Variants in FSTL4 observed in about 807,000 individuals in gnomAD.
The protein encoded by FSTL4 is follistatin like 4.
Under a neutral mutation model 78.2 loss-of-function variants are expected in FSTL4, and 28 were observed. The ratio of observed to expected loss-of-function variants is 0.36; its 90% CI spans 0.27 to 0.49. The LOEUF (loss-of-function observed/expected upper bound fraction) is 0.49. Ranked by LOEUF, FSTL4 falls within the 20% of genes least tolerant of loss-of-function variation. FSTL4 has a pLI of 0.98. For missense variants in FSTL4, 922 were observed against 1,084.9 expected, an observed-to-expected ratio of 0.85 and a Z score of 2.11; for synonymous variants, 422 against 440.5, an observed-to-expected ratio of 0.96 and a Z score of 0.53.
chr5:133,551,198 G>A (rs899641375), intron 3 of FSTL4, among the ~76,000 whole-genome samples: 1 of 152,308 alleles, frequency 6.6e-6, no homozygotes, highest in South Asian at 2.1e-4. Context: ...CACCAGCTTT[G>A]TTTGCCTGGG....
At chr5:133,204,224 A>T (rs907407613) in intron 14 of FSTL4, among the ~76,000 whole-genome samples, 1 of 152,146 alleles carries the variant, frequency 6.6e-6, no homozygotes, top group East Asian at 1.9e-4. Context: ...TGGGCCAGAG[A>T]GTGCTGGGCA....
intron 6 of FSTL4, among the ~76,000 whole-genome samples, chr5:133,272,826 G>A (rs1307788278): frequency 6.6e-6 from 1 of 152,236 alleles, no homozygotes; most frequent in Non-Finnish European, 1.5e-5. Context: ...TCTGGATTTT[G>A]TACTAAAACT....
At chr5:133,514,417 G>C (rs983937764) in intron 3 of FSTL4, among the ~76,000 whole-genome samples, 11 of 152,164 alleles carry the variant, frequency 7.2e-5, no homozygotes, top group African/African-American at 2.7e-4. Context: ...ATAGGAACCA[G>C]TAAAGAGCAG....
chr5:133,452,161 G>A (rs561564110), intron 3 of FSTL4, among the ~76,000 whole-genome samples: 1 of 152,374 alleles, frequency 6.6e-6, no homozygotes, highest in East Asian at 1.9e-4. Flanking sequence ...AGGAGAAGGA[G>A]AAGCTGGCTG....
intron 2 of FSTL4, among the ~76,000 whole-genome samples, chr5:133,568,174 G>C (rs1262619565): frequency 6.6e-6 from 1 of 151,974 alleles, no homozygotes; most frequent in African/African-American, 2.4e-5. Context: ...ACTAATGGGG[G>C]GAAAGACTAG....
upstream of FSTL4, among the ~76,000 whole-genome samples, chr5:133,615,804 G>A (rs148233008): frequency 6.0e-3 from 916 of 152,284 alleles, 4 homozygotes; most frequent in South Asian, 0.022. Context: ...TGGAGATAAG[G>A]TATTCATTCA....
At chr5:133,376,457 C>T (rs947299171) in intron 4 of FSTL4, among the ~76,000 whole-genome samples, 4 of 152,022 alleles carry the variant, frequency 2.6e-5, no homozygotes, top group African/African-American at 4.8e-5. Flanking sequence ...CATTGGGTCC[C>T]GCTTTTAGAA....
chr5:133,237,905 T>C (rs1029834161), intron 7 of FSTL4, among the ~76,000 whole-genome samples: 1 of 151,980 alleles, frequency 6.6e-6, no homozygotes, highest in African/African-American at 2.4e-5. Flanking sequence ...AAATCAAGGT[T>C]CCTTACAGAA....
chr5:133,288,479 T>C (rs1753187248), intron 6 of FSTL4, among the ~76,000 whole-genome samples: 1 of 152,182 alleles, frequency 6.6e-6, no homozygotes, highest in Non-Finnish European at 1.5e-5. Context: ...GATGTTGCTG[T>C]TCATCTGGAA....
chr5:133,441,797 C>T (rs1477076800), intron 3 of FSTL4, among the ~76,000 whole-genome samples: 1 of 152,228 alleles, frequency 6.6e-6, no homozygotes, highest in African/African-American at 2.4e-5. Flanking sequence ...CACATGGTAG[C>T]TTCACACAGT....
At chr5:133,235,228 C>T (rs1446274669) in intron 7 of FSTL4, among the ~76,000 whole-genome samples, 1 of 152,108 alleles carries the variant, frequency 6.6e-6, no homozygotes, top group Non-Finnish European at 1.5e-5. Context: ...GCCTGTAATC[C>T]CAACACTTTG....
At chr5:133,835,419 C>T in the FSTL4 span, among the ~76,000 whole-genome samples, 1 of 152,132 alleles carries the variant, frequency 6.6e-6, no homozygotes, top group South Asian at 2.1e-4. Flanking sequence ...TGGAAGAGCA[C>T]CAAAATGGAC....
intron 4 of FSTL4, among the ~76,000 whole-genome samples, chr5:133,370,523 G>C (rs960204693): frequency 7.9e-5 from 12 of 152,132 alleles, no homozygotes; most frequent in Non-Finnish European, 1.5e-4. Flanking sequence ...CAGGACAGTA[G>C]TTCTCCCAGG....
chr5:133,801,970 T>A, the FSTL4 span, among the ~76,000 whole-genome samples: 3 of 152,178 alleles, frequency 2.0e-5, no homozygotes, highest in South Asian at 2.1e-4. Flanking sequence ...ATCCAGCCCA[T>A]CCTTCCTCTC....
intron 4 of FSTL4, among the ~76,000 whole-genome samples, chr5:133,326,831 C>T (rs150849543): frequency 0.013 from 1,982 of 152,312 alleles, 20 homozygotes; most frequent in Admixed American, 0.023. Context: ...AATAACTTCA[C>T]GTTCTTAGAG....
intron 3 of FSTL4, among the ~76,000 whole-genome samples, chr5:133,513,994 C>G (rs965867558): frequency 6.6e-6 from 1 of 151,898 alleles, no homozygotes; most frequent in African/African-American, 2.4e-5. Flanking sequence ...CTGGCTAACA[C>G]GGTGAAACCC....
Position 133,280,194 on chromosome 5 carries a change from C to T in FSTL4, c.728-30618G>A, listed in dbSNP as rs140651882. Among the ~76,000 whole-genome samples, 1,063 of 152,290 alleles carry T rather than the reference C, an allele frequency of 7.0e-3. 10 individuals carry two copies. The highest frequency in any genetic ancestry group is 0.011 in the Non-Finnish European group (733 of 68,014). The stretch of plus-strand genomic sequence containing the variant: ...TCAGGGAGCAAATCAACCTCTAGTA[C>T]CCTCTAGGCCTCAATGTGGCCACCT... On this transcript the variant is annotated intron_variant, in intron 6 of 15. Coordinates refer to ENST00000265342, the MANE Select transcript of FSTL4 (RefSeq NM_015082.2).
chr5:133,548,794 G>A (rs1246124271), intron 3 of FSTL4, among the ~76,000 whole-genome samples: 1 of 152,062 alleles, frequency 6.6e-6, no homozygotes, highest in Non-Finnish European at 1.5e-5. Context: ...CTGAAGAAAA[G>A]GTTAATGAAC....
At chr5:133,685,154 C>G in the FSTL4 span, among the ~76,000 whole-genome samples, 1 of 152,216 alleles carries the variant, frequency 6.6e-6, no homozygotes, top group Non-Finnish European at 1.5e-5. Flanking sequence ...AGCATCTCCT[C>G]TGGTGCAAAG....
Sources: gnomAD v4.1 joint callset for allele counts (sites outside exome capture counted in the v4.1 genomes callset) on GRCh38, gnomAD v4.1.1 for gene constraint, MANE v1.5 for transcripts, NCBI Gene and HGNC (gene_info 2026-07-23, HGNC 2026-07-21) for gene names.